The following CELF2 variants were observed in gnomAD, a reference collection of about 807,000 sequenced individuals.
The protein encoded by CELF2 is CUGBP Elav-like family member 2.
Under a neutral mutation model 62.6 loss-of-function variants are expected in CELF2, and 8 were observed. The ratio of observed to expected loss-of-function variants is 0.13; its 90% CI spans 0.07 to 0.23. The LOEUF (loss-of-function observed/expected upper bound fraction) is 0.23, where lower values mean the gene tolerates loss of function less well. CELF2 is among the 10% of genes least tolerant of loss of function. CELF2 has a pLI of 1.00. For missense variants in CELF2, 333 were observed against 671.0 expected, an observed-to-expected ratio of 0.50 and a Z score of 5.56; for synonymous variants, 258 against 250.0, an observed-to-expected ratio of 1.03 and a Z score of -0.30.
the CELF2 span, among the ~76,000 whole-genome samples, chr10:10,719,540 G>A: frequency 5.4e-4 from 82 of 152,196 alleles, 1 homozygote; most frequent in South Asian, 0.015. Flanking sequence ...CACTGTCATT[G>A]TAAGAGTCAG....
At chr10:11,291,728 A>C (rs2092553051) in intron 9 of CELF2, among the ~76,000 whole-genome samples, 2 of 152,148 alleles carry the variant, frequency 1.3e-5, no homozygotes, top group Admixed American at 1.3e-4. Context: ...CCAGTTTTTA[A>C]CCTGTTTTTG....
chr10:10,964,842 A>C (rs910292691), intron 2 of CELF2, among the ~76,000 whole-genome samples: 3 of 152,206 alleles, frequency 2.0e-5, no homozygotes, highest in Non-Finnish European at 4.4e-5. Flanking sequence ...AACTTGCAAA[A>C]TGCTTTCACA....
chr10:10,908,635 A>T (rs2063548756), intron 1 of CELF2, among the ~76,000 whole-genome samples: 1 of 152,210 alleles, frequency 6.6e-6, no homozygotes, highest in African/African-American at 2.4e-5. Flanking sequence ...TCAGAAAATT[A>T]AAAAATAAAA....
chr10:10,755,252 G>A, the CELF2 span, among the ~76,000 whole-genome samples: 1 of 152,214 alleles, frequency 6.6e-6, no homozygotes. Flanking sequence ...TGGGATGACA[G>A]AGTGAGAACA....
Position 11,165,062 on chromosome 10 carries a change from A to C in CELF2, c.75-424A>C. The C allele has an allele frequency of 1.0e-6, 1 of 987,264 alleles. No homozygotes were observed. The highest frequency in any genetic ancestry group is 1.2e-6 in the Non-Finnish European group (1 of 830,754). 61.2% of individuals were successfully genotyped at this position (987,264 alleles called of 1,614,324 possible). The stretch of plus-strand genomic sequence containing the variant: ...CGGTGGGGCGGGGGGCGGGGCAGGG[A>C]GAGGGAGAGAAATCCAGCAGACATC... On this transcript the variant is annotated intron_variant, in intron 1 of 12. Coordinates refer to ENST00000633077, the MANE Select transcript of CELF2 (RefSeq NM_001326342.2). This position sits in a 1 kb window ranked among gnomAD's most constrained non-coding sequence, Gnocchi z 7.4.
rs1406383770 is a variant in CELF2, at chr10:11,268,989, A to G, written c.619-1677A>G. Among the ~76,000 whole-genome samples, 2 of 152,192 alleles carry G rather than the reference A, an allele frequency of 1.3e-5. No homozygotes were observed. The highest frequency in any genetic ancestry group is 1.9e-4 in the East Asian group (1 of 5,200). On this transcript the variant is annotated intron_variant, in intron 6 of 12. Transcript: ENST00000633077. The surrounding 1 kb of genome is among the most constrained non-coding windows in gnomAD (Gnocchi z 4.7). ...ATTTTTAAGCTATAATCATTGGCCT[A>G]ATTTTCTGCTTTTATATCATTTTTA...
rs1225896761 is a variant in CELF2 at position 11,331,483 on chromosome 10, GAA to G, written c.*2433_*2434del. On this transcript the variant is annotated 3_prime_UTR_variant, in exon 13 of 13. Transcript: ENST00000633077. ...TTTTTTTCTTTTAAAGAAAAAAAGT[GAA>G]AATATATAGTGCCAAATTCCAAAGG... is the stretch of plus-strand genomic sequence containing the variant. 3 of 151,980 alleles carry G rather than the reference GAA, an allele frequency of 2.0e-5. No individual in the cohort carries two copies. The East Asian group carries it at 5.8e-4, about 29-fold the overall frequency. 9.4% of individuals were successfully genotyped at this position (151,980 alleles called of 1,614,324 possible).
the CELF2 span, among the ~76,000 whole-genome samples, chr10:10,479,545 C>T: frequency 6.6e-6 from 1 of 152,110 alleles, no homozygotes; most frequent in Non-Finnish European, 1.5e-5. Flanking sequence ...AGATAAGTAT[C>T]ATGATGGTTT....
chr10:10,710,774 TG>T, the CELF2 span, among the ~76,000 whole-genome samples: 1 of 152,332 alleles, frequency 6.6e-6, no homozygotes, highest in African/African-American at 2.4e-5. Context: ...TAGAAAGCTA[TG>T]GACATTTTGA....
the CELF2 span, among the ~76,000 whole-genome samples, chr10:10,475,688 G>GT: frequency 6.6e-6 from 1 of 151,946 alleles, no homozygotes; most frequent in Admixed American, 6.6e-5. Context: ...GTCCTCATAG[G>GT]TAATTTGAGG....
chr10:11,027,170 C>G (rs1482477731), intron 1 of CELF2, among the ~76,000 whole-genome samples: 1 of 152,190 alleles, frequency 6.6e-6, no homozygotes, highest in Admixed American at 6.5e-5. Context: ...TTTGAGAAGC[C>G]TGAATGCTGC....
the CELF2 span, among the ~76,000 whole-genome samples, chr10:10,500,271 A>G: frequency 1.3e-5 from 2 of 152,230 alleles, no homozygotes; most frequent in South Asian, 2.1e-4. Flanking sequence ...GAAATAATTC[A>G]GAGAGATGCT....
At chr10:10,951,613 G>T (rs2135737999) in intron 2 of CELF2, among the ~76,000 whole-genome samples, 1 of 152,264 alleles carries the variant, frequency 6.6e-6, no homozygotes. Context: ...GAAAACCACA[G>T]CCCTCCCAAT....
At chr10:10,477,036 C>A in the CELF2 span, among the ~76,000 whole-genome samples, 1 of 152,126 alleles carries the variant, frequency 6.6e-6, no homozygotes, top group Non-Finnish European at 1.5e-5. Context: ...GATATTATTT[C>A]TTTATTTCTA....
At chr10:10,719,586 A>G in the CELF2 span, among the ~76,000 whole-genome samples, 1 of 152,116 alleles carries the variant, frequency 6.6e-6, no homozygotes, top group Non-Finnish European at 1.5e-5. Flanking sequence ...TTGCTTTTAT[A>G]TGTTGCATGA....
rs1477752885 is a variant in CELF2, at chr10:10,938,813, G to A, written c.89+18814G>A. On this transcript the variant is annotated intron_variant, in intron 2 of 13. Transcript: ENST00000636488. The surrounding 1 kb of genome is among the most constrained non-coding windows in gnomAD (Gnocchi z 4.2). ...CAGGCTCGAGCCCGCTGGGGACCCC[G>A]TGAAGCACTGCCCCACCGAGGGACG... Among the ~76,000 whole-genome samples the A allele has an allele frequency of 6.6e-6, 1 of 152,188 alleles. No homozygotes were observed. Among genetic ancestry groups the A allele is most frequent in the Admixed American group, 6.5e-5 (1 of 15,284 alleles).
At chr10:10,838,583 C>T (rs987737923) in intron 1 of CELF2, among the ~76,000 whole-genome samples, 9 of 152,172 alleles carry the variant, frequency 5.9e-5, no homozygotes, top group African/African-American at 2.2e-4. Flanking sequence ...GATGAACTCA[C>T]TGATTTATAT....
intron 2 of CELF2, among the ~76,000 whole-genome samples, chr10:10,989,172 A>G (rs1476667532): frequency 1.3e-5 from 2 of 152,308 alleles, no homozygotes; most frequent in East Asian, 1.9e-4. Flanking sequence ...TTCTAAATAC[A>G]TTAAATTTTT....
intron 1 of CELF2, among the ~76,000 whole-genome samples, chr10:10,822,661 G>A (rs1368237753): frequency 6.6e-6 from 1 of 152,090 alleles, no homozygotes; most frequent in Non-Finnish European, 1.5e-5. Context: ...CTGATTTACT[G>A]TTTCACTGTT....
Sources: allele counts gnomAD v4.1 joint callset (sites outside exome capture counted in the v4.1 genomes callset), GRCh38; gene constraint gnomAD v4.1.1; non-coding constraint Gnocchi (gnomAD v3.1); transcripts MANE v1.5; gene names NCBI Gene and HGNC (gene_info 2026-07-23, HGNC 2026-07-21).